The following SGCZ variants were observed in gnomAD, a reference collection of about 807,000 sequenced individuals.
SGCZ encodes the protein zeta-sarcoglycan.
In SGCZ, 40 loss-of-function variants were observed where a neutral mutation model predicts 41.3. The ratio of observed to expected loss-of-function variants is 0.97; its 90% CI spans 0.75 to 1.26. SGCZ has a LOEUF of 1.26. Among genes scored for constraint, SGCZ ranks in the 50% most tolerant of loss-of-function variants. The pLI is 0.00. For missense variants in SGCZ, 552 were observed against 369.8 expected (o/e 1.49, Z -4.04); for synonymous variants, 206 against 137.5 (o/e 1.50, Z -3.49).
At chr8:14,847,847 C>G (rs1399761447) in intron 1 of SGCZ, among the ~76,000 whole-genome samples, 1 of 149,168 alleles carries the variant, frequency 6.7e-6, no homozygotes, top group East Asian at 2.0e-4. Context: ...GTAAGTCAAG[C>G]TGTCTGCTCC....
chr8:14,329,414 A>G (rs985368991), intron 2 of SGCZ, among the ~76,000 whole-genome samples: 1 of 152,200 alleles, frequency 6.6e-6, no homozygotes, highest in African/African-American at 2.4e-5. Context: ...GAAAATTAAT[A>G]TTTTAAAAAG....
At chr8:15,071,189 G>C (rs923703157) in intron 1 of SGCZ, among the ~76,000 whole-genome samples, 22 of 152,104 alleles carry the variant, frequency 1.4e-4, no homozygotes, top group South Asian at 2.1e-4. Context: ...TAATGTTTAA[G>C]TAATTAGAGG....
At chr8:14,777,691 TC>T (rs1338830561) in intron 1 of SGCZ, among the ~76,000 whole-genome samples, 10 of 152,068 alleles carry the variant, frequency 6.6e-5, no homozygotes, top group Non-Finnish European at 7.4e-5. Flanking sequence ...GCAACTTGAC[TC>T]CAAATGGTTT....
chr8:14,893,971 T>G (rs1393615851), intron 1 of SGCZ, among the ~76,000 whole-genome samples: 1 of 152,192 alleles, frequency 6.6e-6, no homozygotes, highest in African/African-American at 2.4e-5. Flanking sequence ...TTTGTAACAC[T>G]TTTTAACCCA....
chr8:15,004,142 C>T (rs1802519298), intron 1 of SGCZ, among the ~76,000 whole-genome samples: 1 of 152,078 alleles, frequency 6.6e-6, no homozygotes, highest in African/African-American at 2.4e-5. Context: ...GCTCACTCTG[C>T]AGTTAACGTG....
chr8:14,651,803 G>T (rs1037091477), intron 1 of SGCZ, among the ~76,000 whole-genome samples: 7 of 151,986 alleles, frequency 4.6e-5, no homozygotes, highest in Admixed American at 3.9e-4. Context: ...CTCTGTAATA[G>T]ATGTCTAGCC....
At chr8:14,480,021 G>C (rs943795403) in intron 2 of SGCZ, among the ~76,000 whole-genome samples, 16 of 152,210 alleles carry the variant, frequency 1.1e-4, no homozygotes, top group African/African-American at 3.1e-4. Context: ...CCGGGATTAC[G>C]GGCGTGAGCC....
chr8:14,201,161 T>C (rs1280682469), intron 4 of SGCZ, among the ~76,000 whole-genome samples: 6 of 152,298 alleles, frequency 3.9e-5, no homozygotes, highest in South Asian at 2.1e-4. Flanking sequence ...GAAATGCTCA[T>C]ACAGGCAGGT....
chr8:15,172,161 T>TTTTTC (rs1799855761), intron 1 of SGCZ, among the ~76,000 whole-genome samples: 1 of 73,612 alleles, frequency 1.4e-5, no homozygotes, highest in Non-Finnish European at 3.6e-5. Flanking sequence ...TCTGTTTTTT[T>TTTTTC]TTTTTTTTTT....
chr8:14,213,348 C>T (rs979657774), intron 4 of SGCZ, among the ~76,000 whole-genome samples: 4 of 152,072 alleles, frequency 2.6e-5, no homozygotes, highest in Admixed American at 6.6e-5. Context: ...ATTTGTATGG[C>T]AGCCAATTTT....
At chr8:15,024,494 T>C (rs892030898) in intron 1 of SGCZ, among the ~76,000 whole-genome samples, 8 of 152,218 alleles carry the variant, frequency 5.3e-5, no homozygotes, top group Non-Finnish European at 1.2e-4. Context: ...ACTCTCGAAA[T>C]TGAAGAACTA....
intron 1 of SGCZ, among the ~76,000 whole-genome samples, chr8:14,723,886 G>A (rs1197532161): frequency 1.3e-5 from 2 of 151,978 alleles, no homozygotes; most frequent in Non-Finnish European, 2.9e-5. Flanking sequence ...AGTGGTAGTG[G>A]TTCCTTCCAC....
At chr8:14,449,819 T>A (rs1371848868) in intron 2 of SGCZ, among the ~76,000 whole-genome samples, 2 of 152,182 alleles carry the variant, frequency 1.3e-5, no homozygotes, top group African/African-American at 4.8e-5. Flanking sequence ...GTACCTGATG[T>A]AATGGAAGGT....
At chr8:14,929,606 G>A (rs890603822) in intron 1 of SGCZ, among the ~76,000 whole-genome samples, 4 of 151,776 alleles carry the variant, frequency 2.6e-5, no homozygotes, top group African/African-American at 7.3e-5. Flanking sequence ...TCCCAAAGAA[G>A]GAATATACAC....
chr8:14,611,467 A>G (rs1563152081), intron 1 of SGCZ, among the ~76,000 whole-genome samples: 2 of 152,176 alleles, frequency 1.3e-5, no homozygotes, highest in Non-Finnish European at 2.9e-5. Context: ...ATTCCATTTT[A>G]TCGGTCTCAG....
At chr8:14,363,609 A>G (rs1202447906) in intron 2 of SGCZ, among the ~76,000 whole-genome samples, 1 of 152,088 alleles carries the variant, frequency 6.6e-6, no homozygotes, top group South Asian at 2.1e-4. Flanking sequence ...CTTTGACCCA[A>G]CTTCATTATA....
chr8:15,037,202 A>G (rs1803905133), intron 1 of SGCZ, among the ~76,000 whole-genome samples: 2 of 152,298 alleles, frequency 1.3e-5, no homozygotes, highest in Admixed American at 6.5e-5. Context: ...GGGACCCAGT[A>G]GGAGATAACT....
intron 2 of SGCZ, among the ~76,000 whole-genome samples, chr8:14,365,868 G>C (rs1314389853): frequency 6.6e-6 from 1 of 151,922 alleles, no homozygotes; most frequent in African/African-American, 2.4e-5. Context: ...TGATTTCCTT[G>C]TTTTGATACC....
At chr8:14,361,888 T>C (rs1056898471) in intron 2 of SGCZ, among the ~76,000 whole-genome samples, 2 of 152,192 alleles carry the variant, frequency 1.3e-5, no homozygotes, top group Admixed American at 1.3e-4. Flanking sequence ...TTTTTGTAGA[T>C]GTTGATGCTG....
Sources: gnomAD v4.1 joint callset for allele counts (sites outside exome capture counted in the v4.1 genomes callset) on GRCh38, gnomAD v4.1.1 for gene constraint, MANE v1.5 for transcripts, NCBI Gene and HGNC (gene_info 2026-07-23, HGNC 2026-07-21) for gene names.